The following NXPE3 variants were observed in gnomAD, a reference collection of about 807,000 sequenced individuals.
NXPE3 encodes neurexophilin and PC-esterase domain family member 3, also known as NXPE family member 3.
In NXPE3, 26 loss-of-function variants were observed where a neutral mutation model predicts 46.1. The ratio of observed to expected loss-of-function variants is 0.56; its 90% CI spans 0.41 to 0.78. The LOEUF (loss-of-function observed/expected upper bound fraction) is 0.78. Among genes scored for constraint, NXPE3 ranks in the 30% least tolerant of loss-of-function variants. The pLI, the probability that NXPE3 is intolerant of heterozygous loss-of-function variation, is 0.00. For missense variants in NXPE3, 620 were observed against 686.0 expected (o/e 0.90, Z 1.07); for synonymous variants, 272 against 257.9 (o/e 1.05, Z -0.52).
intron 1 of NXPE3, among the ~76,000 whole-genome samples, chr3:101,781,082 T>C (rs1013087045): frequency 2.0e-5 from 3 of 152,242 alleles, no homozygotes; most frequent in Non-Finnish European, 4.4e-5. Flanking sequence ...AAGTTTGAAA[T>C]ATATGCATTT....
chr3:101,785,788 A>G (rs779820006), intron 4 of NXPE3, 99 bp downstream of exon 4: 2 of 872,186 alleles, frequency 2.3e-6, no homozygotes, highest in Non-Finnish European at 3.9e-6. Flanking sequence ...AGATTATCGT[A>G]GTCACAGTTC....
At chr3:101,783,977 G>A (rs1939991141) in intron 3 of NXPE3, among the ~76,000 whole-genome samples, 1 of 152,190 alleles carries the variant, frequency 6.6e-6, no homozygotes, top group South Asian at 2.1e-4. Flanking sequence ...CTGTGGAGGT[G>A]GCCAGGACTG....
At chr3:101,799,726 C>G (rs1216144006) in intron 4 of NXPE3, among the ~76,000 whole-genome samples, 2 of 152,106 alleles carry the variant, frequency 1.3e-5, no homozygotes. Context: ...ATCTGGCCTA[C>G]TTCATTCTTT....
Position 101,801,782 on chromosome 3 carries a change from TC to T in NXPE3, c.643del (p.Arg215ValfsTer55). On this transcript the variant is annotated frameshift_variant, in exon 5 of 8. Coordinates refer to ENST00000273347, the MANE Select transcript of NXPE3 (RefSeq NM_145037.4). LOFTEE classifies it high-confidence loss of function. ...GACAGGGTCTATTTCAAGAGTCTCT[TC>T]CGTTCAGGAAGAATTTCTGAAACTA... ...KPDRVYFKSL[F>X]RSGRISETTE... 6.2e-7 allele frequency: 1 copy of T among 1,614,188 alleles called. No individual in the cohort carries two copies. The highest frequency in any genetic ancestry group is 8.5e-7 in the Non-Finnish European group (1 of 1,180,042).
chr3:101,782,468 GT>G (rs143041355), intron 2 of NXPE3, among the ~76,000 whole-genome samples, 178 bp downstream of exon 2: 28 of 147,500 alleles, frequency 1.9e-4, no homozygotes, highest in Non-Finnish European at 2.4e-4. Context: ...ACCTGTTACA[GT>G]TTTTTTTTTA....
intron 5 of NXPE3, among the ~76,000 whole-genome samples, chr3:101,806,586 A>G (rs904278322): frequency 3.9e-5 from 6 of 152,220 alleles, no homozygotes; most frequent in Admixed American, 3.3e-4. Context: ...TGATGAGCAA[A>G]GTACTGCATG....
intron 3 of NXPE3, among the ~76,000 whole-genome samples, chr3:101,784,279 G>A (rs1940016009): frequency 6.6e-6 from 1 of 152,168 alleles, no homozygotes; most frequent in Admixed American, 6.5e-5. Context: ...AATACAAATA[G>A]AGGGAGCATG....
intron 7 of NXPE3, among the ~76,000 whole-genome samples, chr3:101,819,537 T>A (rs972273041): frequency 5.9e-5 from 9 of 152,210 alleles, no homozygotes; most frequent in Admixed American, 3.9e-4. Flanking sequence ...AGAAACAGGG[T>A]TGCTTCTTTC....
chr3:101,793,627 C>CTTTTTTTTTT, intron 4 of NXPE3, among the ~76,000 whole-genome samples: 6 of 19,408 alleles, frequency 3.1e-4, no homozygotes, highest in Admixed American at 8.8e-4. Flanking sequence ...TTGACAAGGT[C>CTTTTTTTTTT]TTTTTTTTTT....
At chr3:101,798,016 G>A (rs1352449025) in intron 4 of NXPE3, among the ~76,000 whole-genome samples, 3 of 120,810 alleles carry the variant, frequency 2.5e-5, no homozygotes, top group African/African-American at 9.7e-5. Context: ...TTCCACAATG[G>A]TTGAACTAGT....
chr3:101,780,851 C>G (rs1451026598), intron 1 of NXPE3, among the ~76,000 whole-genome samples: 2 of 152,196 alleles, frequency 1.3e-5, no homozygotes, highest in Non-Finnish European at 2.9e-5. Flanking sequence ...TGAGTCAGCA[C>G]TTTGTGCATG....
intron 7 of NXPE3, among the ~76,000 whole-genome samples, chr3:101,819,942 A>C (rs1275239505): frequency 1.3e-5 from 2 of 152,156 alleles, no homozygotes; most frequent in Non-Finnish European, 2.9e-5. Flanking sequence ...TCTCTACTTC[A>C]ACTTTTTTAA....
intron 7 of NXPE3, among the ~76,000 whole-genome samples, chr3:101,819,230 A>G (rs1430049759): frequency 6.6e-6 from 1 of 152,174 alleles, no homozygotes; most frequent in Admixed American, 6.5e-5. Flanking sequence ...GATTGTCAAC[A>G]TTTACTTAAG....
At chr3:101,798,126 G>A (rs1056111222) in intron 4 of NXPE3, among the ~76,000 whole-genome samples, 2 of 149,492 alleles carry the variant, frequency 1.3e-5, no homozygotes, top group South Asian at 2.1e-4. Flanking sequence ...TCTAACTGGT[G>A]TGAGATGATA....
intron 1 of NXPE3, among the ~76,000 whole-genome samples, chr3:101,780,203 CA>C (rs1939730084): frequency 6.6e-6 from 1 of 152,202 alleles, no homozygotes; most frequent in Non-Finnish European, 1.5e-5. Context: ...GCAGGACTCC[CA>C]GACCCTGATA....
chr3:101,795,915 A>G (rs1161768085), intron 4 of NXPE3, among the ~76,000 whole-genome samples: 1 of 152,150 alleles, frequency 6.6e-6, no homozygotes, highest in Non-Finnish European at 1.5e-5. Flanking sequence ...TACCAGAGCA[A>G]TGGCGTTTTT....
rs373134371 is a variant in NXPE3 at position 101,810,812 on chromosome 3, CTTTTTTTG to C, written c.922+3689_922+3696del. ...GAATTCTGGCAGCAACTTGAATGAACTTTTTTTGTTGTTTTTTTTTGTTTGTTTGTTTT... is the reference window on the plus strand; with the variant it reads ...GAATTCTGGCAGCAACTTGAATGAACTTGTTTTTTTTTGTTTGTTTGTTTT... On this transcript the variant is annotated intron_variant, in intron 6 of 7. Coordinates refer to ENST00000273347, the MANE Select transcript of NXPE3 (RefSeq NM_145037.4). Among the ~76,000 whole-genome samples the C allele has an allele frequency of 5.6e-3, 843 of 151,008 alleles. 5 individuals carry two copies. The highest frequency in any genetic ancestry group is 0.019 in the African/African-American group (773 of 41,166).
rs770855927 is a variant in NXPE3 at position 101,821,931 on chromosome 3, T to A, written c.1657T>A (p.Phe553Ile). 6.2e-7 allele frequency: 1 copy of A among 1,613,494 alleles called. No individual in the cohort carries two copies. Among genetic ancestry groups the A allele is most frequent in the Non-Finnish European group, 8.5e-7 (1 of 1,179,468 alleles). Residue 553 changes from phenylalanine to isoleucine, a missense_variant, in exon 8 of 8, where the codon TTT becomes ATT. Physicochemically the swap from Phe to Ile is conservative, Grantham distance 21. Coordinates refer to ENST00000273347, the MANE Select transcript of NXPE3 (RefSeq NM_145037.4). The part of the protein sequence containing the change: ...VKNQLDMFLS[F>I]VCPLET ...GAACCAGCTGGACATGTTCTTGTCC[T>A]TTGTGTGCCCCTTGGAAACCTAGCC...
At chr3:101,790,216 A>C (rs946153647) in intron 4 of NXPE3, among the ~76,000 whole-genome samples, 84 of 152,196 alleles carry the variant, frequency 5.5e-4, no homozygotes, top group African/African-American at 1.9e-3. Flanking sequence ...TGCATGGAGT[A>C]TTCTATAAAT....
Sources: allele counts gnomAD v4.1 joint callset (sites outside exome capture counted in the v4.1 genomes callset), GRCh38; gene constraint gnomAD v4.1.1; transcripts MANE v1.5; gene names NCBI Gene and HGNC (gene_info 2026-07-23, HGNC 2026-07-21).